DENND2D: variants seen among roughly 807,000 people sequenced by gnomAD.
DENND2D encodes the protein DENN domain containing 2D.
In DENND2D, 37 loss-of-function variants were observed where a neutral mutation model predicts 59.8. That is an observed-to-expected ratio of 0.62 (90% confidence interval 0.48 to 0.81). The LOEUF (loss-of-function observed/expected upper bound fraction) is 0.81. Among genes scored for constraint, DENND2D ranks in the 40% least tolerant of loss-of-function variants. The probability of loss-of-function intolerance (pLI) is 0.00; values close to 1 mark genes in which losing one functional copy is unlikely to be tolerated. For missense variants in DENND2D, 525 were observed against 579.7 expected (o/e 0.91, Z 0.97); for synonymous variants, 219 against 211.3 (o/e 1.04, Z -0.31).
Position 111,197,533 on chromosome 1 carries a change from A to G in DENND2D, c.427-280T>C, listed in dbSNP as rs1193581677. On this transcript the variant is annotated intron_variant, in intron 4 of 11. Coordinates refer to ENST00000357640, the MANE Select transcript of DENND2D (RefSeq NM_024901.5). ...CTTAGAGATGAAGAAATGGCTAAGG[A>G]GGAAAGCACTGTAAAGGTGACTTGG... The G allele has an allele frequency of 1.5e-5, 21 of 1,385,786 alleles. No individual in the cohort carries two copies. In the East Asian group the frequency reaches 3.8e-4, roughly 25 times the overall value. The allele number at this position is 1,385,786 out of a possible 1,614,324, so 85.8% of individuals were successfully genotyped here. A position where few individuals can be genotyped will look rare whatever the true frequency, so the allele number is the denominator to read the frequency against.
At position 111,200,581 on chromosome 1, in the gene DENND2D, G is replaced by A. The variant is rs936909759; in HGVS notation, c.-122C>T. The A allele has an allele frequency of 1.6e-5, 24 of 1,502,468 alleles. No homozygotes were observed. In the African/African-American group the frequency reaches 2.2e-4, roughly 14 times the overall value. The allele number at this position is 1,502,468 out of a possible 1,614,324, so 93.1% of individuals were successfully genotyped here. A position where few individuals can be genotyped will look rare whatever the true frequency, so the allele number is the denominator to read the frequency against. On this transcript the variant is annotated 5_prime_UTR_variant, in exon 1 of 12. Transcript: ENST00000357640. ...ACAACTCTGTGAAGCCAAGCCACGC[G>A]CTGTCTTCCAGAGAGGGAATAGAAG...
At position 111,189,352 on chromosome 1, in the gene DENND2D, C is replaced by T. The variant is rs1233849022; in HGVS notation, c.973-99G>A. 4 of 1,286,466 alleles carry T rather than the reference C, an allele frequency of 3.1e-6. No individual in the cohort carries two copies. In the African/African-American group the frequency reaches 4.4e-5, roughly 14 times the overall value. The allele number at this position is 1,286,466 out of a possible 1,614,324, so 79.7% of individuals were successfully genotyped here. A position where few individuals can be genotyped will look rare whatever the true frequency, so the allele number is the denominator to read the frequency against. ...TCTGCCTGTGGCTGTATCTTTCAGCCCAGGTAGCAACAAAATCAATATCTT... is the reference window on the plus strand; with the variant it reads ...TCTGCCTGTGGCTGTATCTTTCAGCTCAGGTAGCAACAAAATCAATATCTT... On this transcript the variant is annotated intron_variant, in intron 8 of 11. Transcript: ENST00000357640.
chr1:111,189,305 C>T (rs774550829), intron 8 of DENND2D, 52 bp from the exon 9 acceptor site: 8 of 1,602,486 alleles, frequency 5.0e-6, no homozygotes, highest in Non-Finnish European at 6.0e-6. Context: ...CATAGACCCC[C>T]AGAGGATTTA....
rs1011442883 is a variant in DENND2D, at chr1:111,199,053, G to C, written c.244-311C>G. Among the ~76,000 whole-genome samples, 8 of 152,234 alleles carry C rather than the reference G, an allele frequency of 5.3e-5. No individual in the cohort carries two copies. The East Asian group carries it at 1.5e-3, about 29-fold the overall frequency. On this transcript the variant is annotated intron_variant, in intron 2 of 11. Transcript: ENST00000357640. The stretch of plus-strand genomic sequence containing the variant: ...GTTGAATATAGAAAGGCCCTGAAAT[G>C]GCCCAGGCCCCTGGGAGGACAACAT...
At chr1:111,204,385 C>G, upstream of DENND2D, 1 of 1,371,550 alleles carries the variant, frequency 7.3e-7, no homozygotes, top group Non-Finnish European at 9.4e-7. Flanking sequence ...CCGCTCCCAG[C>G]TCCGCGCTGG....
In DENND2D at chr1:111,199,622, C is replaced by T. The variant is rs1056374669; in HGVS notation, c.243+1G>A. 2 of 1,612,640 alleles carry T rather than the reference C, an allele frequency of 1.2e-6. No homozygotes were observed. The highest frequency in any genetic ancestry group is 8.5e-7 in the Non-Finnish European group (1 of 1,179,132). On this transcript the variant is annotated splice_donor_variant, in intron 2 of 11. Coordinates refer to ENST00000357640, the MANE Select transcript of DENND2D (RefSeq NM_024901.5). LOFTEE classifies it high-confidence loss of function. ...GGCCCTGCCCCTCCTTCAGTCCTTA[C>T]CTTGGGAAATTGGTAGGTGATTATA...
Position 111,188,141 on chromosome 1 carries a change from ATTCT to A in DENND2D, c.1325_1328del (p.Lys442IlefsTer28). On this transcript the variant is annotated frameshift_variant, in exon 11 of 12. Transcript: ENST00000357640. LOFTEE classifies it high-confidence loss of function. ...GGACTGTTACTGTACCTGCAGGAGG[ATTCT>A]TGCTCTTCTCGGCTTCCTGGATGAA... 2 of 1,614,014 alleles carry A rather than the reference ATTCT, an allele frequency of 1.2e-6. No homozygotes were observed. Among genetic ancestry groups the A allele is most frequent in the Non-Finnish European group, 1.7e-6 (2 of 1,180,012 alleles).
In DENND2D at chr1:111,197,172, C is replaced by T. The variant is rs752549248; in HGVS notation, c.504+4G>A. Reference sequence around the variant, plus strand: ...GGGCAGGCCCTGAGGAATCCTATCCCTACCTTGGAGAACAAGCCGAAGCAG... The same window carrying T: ...GGGCAGGCCCTGAGGAATCCTATCCTTACCTTGGAGAACAAGCCGAAGCAG... On this transcript the variant is annotated splice_donor_region_variant and intron_variant, in intron 5 of 11. Coordinates refer to ENST00000357640, the MANE Select transcript of DENND2D (RefSeq NM_024901.5). 1.2e-6 allele frequency: 2 copies of T among 1,608,952 alleles called. No individual in the cohort carries two copies. Among genetic ancestry groups the T allele is most frequent in the Admixed American group, 3.4e-5 (2 of 59,492 alleles).
intron 6 of DENND2D, 89 bp from the exon 7 acceptor site, chr1:111,194,815 C>T (rs1658072599): frequency 2.8e-6 from 4 of 1,444,848 alleles, no homozygotes; most frequent in Non-Finnish European, 3.8e-6. Context: ...GCCTCTATTC[C>T]TTCTGCCCCC....
At chr1:111,195,001 A>G (rs896850073) in intron 6 of DENND2D, 12 of 425,426 alleles carry the variant, frequency 2.8e-5, no homozygotes, top group Admixed American at 1.1e-4. Context: ...GAGCAATCCC[A>G]TCTTTCCTGC....
In DENND2D at chr1:111,199,586, G is replaced by C; in HGVS notation, c.243+37C>G. ...CCCCTACCACCTTCCAAACACCCCA[G>C]TCCTCTGGCTGGCCCTGCCCCTCCT... On this transcript the variant is annotated intron_variant, in intron 2 of 11. Coordinates refer to ENST00000357640, the MANE Select transcript of DENND2D (RefSeq NM_024901.5). The C allele has an allele frequency of 2.5e-6, 4 of 1,588,386 alleles. No homozygotes were observed. The Middle Eastern group carries it at 5.1e-4, about 201-fold the overall frequency.
In DENND2D at chr1:111,200,621, A is replaced by G; in HGVS notation, c.-162T>C. On this transcript the variant is annotated 5_prime_UTR_variant, in exon 1 of 12. Transcript: ENST00000357640. ...GGGAATAGAAGTTTCCATCCTGTGC[A>G]CCCAGTGGTTGAGCAAGAAGGATGT... The G allele has an allele frequency of 7.0e-7, 1 of 1,427,886 alleles. No homozygotes were observed. Among genetic ancestry groups the G allele is most frequent in the Non-Finnish European group, 9.3e-7 (1 of 1,079,898 alleles). 88.5% of individuals were successfully genotyped at this position (1,427,886 alleles called of 1,614,324 possible). A position where few individuals can be genotyped will look rare whatever the true frequency, so the allele number is the denominator to read the frequency against.
chr1:111,190,555 G>T (rs1396890932), intron 8 of DENND2D, among the ~76,000 whole-genome samples: 4 of 152,212 alleles, frequency 2.6e-5, no homozygotes. Context: ...CTAACACTGG[G>T]TCCACATTTC....
rs996665897 is a variant in DENND2D at position 111,199,784 on chromosome 1, T to C, written c.82A>G (p.Asn28Asp). 1.9e-6 allele frequency: 3 copies of C among 1,612,488 alleles called. No homozygotes were observed. In the Admixed American group the frequency reaches 5.0e-5, roughly 27 times the overall value. ...LQLRAGPPQD[N>D]SGEALKEPER... ...GGTTCCTTTAAAGCTTCCCCTGAAT[T>C]GTCCTGGGGTGGTCCTGAAATCAAG... is the stretch of plus-strand genomic sequence containing the variant. The change falls in exon 2 of 12, where the codon AAT becomes GAT. Residue 28 changes from asparagine (N) to aspartate (D), a missense_variant. This residue lies in a region of DENND2D where 253 missense variants were observed against 246.4 expected (regional missense o/e 1.03). Coordinates refer to ENST00000357640, the MANE Select transcript of DENND2D (RefSeq NM_024901.5).
intron 10 of DENND2D, among the ~76,000 whole-genome samples, 161 bp downstream of exon 10, chr1:111,188,541 T>A (rs1213844027): frequency 1.3e-5 from 2 of 152,136 alleles, no homozygotes; most frequent in African/African-American, 4.8e-5. Context: ...CTGCCATTGC[T>A]TAGGAAGAAT....
upstream of DENND2D, chr1:111,204,348 A>T: frequency 6.8e-7 from 1 of 1,478,270 alleles, no homozygotes; most frequent in Non-Finnish European, 8.9e-7. Context: ...GGCCGAGCCC[A>T]TCCATGGCCC....
chr1:111,188,607 C>T, intron 10 of DENND2D, 95 bp downstream of exon 10: 1 of 1,289,304 alleles, frequency 7.8e-7, no homozygotes, highest in South Asian at 1.3e-5. Context: ...TGGTCTAGGA[C>T]TACTGAATGA....
At chr1:111,196,348 A>C in intron 5 of DENND2D, 2 of 226,790 alleles carry the variant, frequency 8.8e-6, no homozygotes, top group Non-Finnish European at 8.7e-6. Flanking sequence ...ACATAAAAGC[A>C]CCTCCCTGGG....
chr1:111,188,488 G>A, intron 10 of DENND2D, 118 bp from the exon 11 acceptor site: 5 of 1,431,700 alleles, frequency 3.5e-6, no homozygotes, highest in Non-Finnish European at 3.8e-6. Flanking sequence ...ATAGGGTAGG[G>A]TTCATAATTA....
Sources: gnomAD v4.1 joint callset for allele counts (sites outside exome capture counted in the v4.1 genomes callset) on GRCh38, gnomAD v4.1.1 for gene constraint, gnomAD v4.1.1 regional missense constraint, MANE v1.5 for transcripts, NCBI Gene and HGNC (gene_info 2026-07-23, HGNC 2026-07-21) for gene names.